TAOK1: variants seen among roughly 807,000 people sequenced by gnomAD.
TAOK1 encodes serine/threonine-protein kinase TAO1.
In TAOK1, 21 loss-of-function variants were observed where a neutral mutation model predicts 138.3. That is an observed-to-expected ratio of 0.15 (90% confidence interval 0.11 to 0.22). The LOEUF (loss-of-function observed/expected upper bound fraction) is 0.22. TAOK1 is among the 10% of genes least tolerant of loss of function. The pLI, the probability that TAOK1 is intolerant of heterozygous loss-of-function variation, is 1.00. For missense variants in TAOK1, 651 were observed against 1,227.7 expected, an observed-to-expected ratio of 0.53 and a Z score of 7.02; for synonymous variants, 361 against 398.4, an observed-to-expected ratio of 0.91 and a Z score of 1.12.
chr17:29,397,603 C>CCCA (rs1395990086), intron 1 of TAOK1, among the ~76,000 whole-genome samples: 1 of 54,284 alleles, frequency 1.8e-5, no homozygotes, highest in Non-Finnish European at 2.9e-5. Context: ...ATTCCGTCCC[C>CCCA]CCCCAAAAAA....
rs549183704 is a variant in TAOK1 at position 29,474,348 on chromosome 17, GCT to G, written c.205-1321_205-1320del. Among the ~76,000 whole-genome samples the G allele has an allele frequency of 6.7e-3, 1,025 of 152,070 alleles. 5 individuals carry two copies. The highest frequency in any genetic ancestry group is 0.011 in the Non-Finnish European group (718 of 67,982). On this transcript the variant is annotated intron_variant, in intron 3 of 19. Transcript: ENST00000261716. ...ACTTTTTCTTTGCATTTACAACTTG[GCT>G]ATTTGGTGCAAAAGGCCTAGCTTCA...
intron 1 of TAOK1, among the ~76,000 whole-genome samples, chr17:29,411,249 G>A (rs570034150): frequency 2.6e-4 from 39 of 150,828 alleles, no homozygotes; most frequent in South Asian, 1.3e-3. Context: ...CCGCCACTAC[G>A]CCCGGCTAAT....
intron 8 of TAOK1, among the ~76,000 whole-genome samples, chr17:29,483,167 T>C (rs1360031156): frequency 6.6e-6 from 1 of 152,156 alleles, no homozygotes; most frequent in Non-Finnish European, 1.5e-5. Flanking sequence ...AACCTCTGCT[T>C]CCTGGGATCA....
chr17:29,526,481 T>A (rs919460370), intron 17 of TAOK1, among the ~76,000 whole-genome samples: 1 of 152,092 alleles, frequency 6.6e-6, no homozygotes, highest in East Asian at 1.9e-4. Flanking sequence ...AGTGGCGCAA[T>A]CTCGGCTCAC....
chr17:29,425,729 G>T (rs147956955), intron 1 of TAOK1, among the ~76,000 whole-genome samples: 11 of 152,194 alleles, frequency 7.2e-5, no homozygotes, highest in African/African-American at 2.4e-4. Flanking sequence ...GATATTGAAA[G>T]ATGATAAATT....
intron 6 of TAOK1, among the ~76,000 whole-genome samples, chr17:29,479,155 A>C (rs1249571745): frequency 6.6e-6 from 1 of 152,080 alleles, no homozygotes; most frequent in Non-Finnish European, 1.5e-5. Flanking sequence ...CAAAAAAAAA[A>C]AAAAACAGAA....
At chr17:29,455,252 A>G (rs1188492750) in intron 2 of TAOK1, among the ~76,000 whole-genome samples, 2 of 150,312 alleles carry the variant, frequency 1.3e-5, no homozygotes, top group Admixed American at 1.3e-4. Context: ...GTGTAAGTGG[A>G]ATTACTTTCT....
intron 2 of TAOK1, among the ~76,000 whole-genome samples, chr17:29,460,085 T>A (rs1164737918): frequency 6.6e-6 from 1 of 152,232 alleles, no homozygotes; most frequent in East Asian, 1.9e-4. Context: ...TTTCTTGCCC[T>A]TTTCCTTTTA....
chr17:29,489,807 T>A, intron 9 of TAOK1, 50 bp downstream of exon 9: 1 of 1,310,292 alleles, frequency 7.6e-7, no homozygotes. Context: ...AATGAAATGC[T>A]TTTTCATAAT....
intron 10 of TAOK1, among the ~76,000 whole-genome samples, chr17:29,494,865 C>T (rs889009172): frequency 3.4e-5 from 5 of 148,740 alleles, no homozygotes; most frequent in Non-Finnish European, 3.0e-5. Flanking sequence ...AAGGATATTT[C>T]GTAGAACTCA....
chr17:29,394,218 T>G (rs1434837666), intron 1 of TAOK1, among the ~76,000 whole-genome samples: 1 of 126,630 alleles, frequency 7.9e-6, no homozygotes, highest in Non-Finnish European at 1.6e-5. Context: ...CAGGCTGGAG[T>G]GCAGTGGCAC....
rs562564191 is a variant in TAOK1 at position 29,533,053 on chromosome 17, C to T, written c.2362-1065C>T. 1.2e-3 allele frequency among the ~76,000 whole-genome samples: 162 copies of T among 132,130 alleles called. 2 individuals are homozygous for T. Among genetic ancestry groups the T allele is most frequent in the African/African-American group, 4.1e-3 (151 of 36,524 alleles). The allele number at this position is 132,130 out of a possible 152,430, so 86.7% of individuals were successfully genotyped here. On this transcript the variant is annotated intron_variant, in intron 18 of 19. Transcript: ENST00000261716. ...CCTCCCTCCCGGATGGGGTGGCTGC[C>T]GGGCGGAGATGCTCCTCACTTCCCA... is the stretch of plus-strand genomic sequence containing the variant.
chr17:29,531,016 C>T (rs949908548), intron 18 of TAOK1, among the ~76,000 whole-genome samples: 7 of 134,682 alleles, frequency 5.2e-5, no homozygotes, highest in Non-Finnish European at 1.1e-4. Context: ...GGCTGGAGTC[C>T]AGTGGCGCGA....
chr17:29,532,968 C>T (rs1172189872), intron 18 of TAOK1, among the ~76,000 whole-genome samples: 6 of 104,028 alleles, frequency 5.8e-5, no homozygotes, highest in East Asian at 6.3e-4. Flanking sequence ...CCGGACGGGG[C>T]GGGTGGCCGG....
Position 29,498,533 on chromosome 17 carries a change from G to T in TAOK1, c.1203+12G>T, listed in dbSNP as rs1358655568. On this transcript the variant is annotated intron_variant, in intron 12 of 19. Transcript: ENST00000261716. ...TCCATTTAAAACCAGTGAGTATTTG[G>T]ATTTCAATGAAAGAAATTCAATGTT... 7 of 1,611,504 alleles carry T rather than the reference G, an allele frequency of 4.3e-6. No individual in the cohort carries two copies. The highest frequency in any genetic ancestry group is 1.3e-5 in the African/African-American group (1 of 75,008).
chr17:29,440,108 G>C (rs564854852), intron 1 of TAOK1, among the ~76,000 whole-genome samples: 2 of 152,198 alleles, frequency 1.3e-5, no homozygotes, highest in East Asian at 3.9e-4. Flanking sequence ...AAAAATTCCT[G>C]CTTCACCCTG....
In TAOK1 at chr17:29,550,006, C is replaced by A. The variant is rs2032463867; in HGVS notation, c.*6984C>A. ...GAAAACATTTCAAAAAAAAAAAGTC[C>A]TCTTAAGGCCAGTAATTTATCTGAA... is the stretch of plus-strand genomic sequence containing the variant. On this transcript the variant is annotated 3_prime_UTR_variant, in exon 20 of 20. Transcript: ENST00000261716. 1 of 152,036 alleles carries A rather than the reference C, an allele frequency of 6.6e-6. No homozygotes were observed. The highest frequency in any genetic ancestry group is 1.5e-5 in the Non-Finnish European group (1 of 67,996). 9.4% of individuals were successfully genotyped at this position (152,036 alleles called of 1,614,324 possible).
chr17:29,409,507 G>T (rs1905090901), intron 1 of TAOK1, among the ~76,000 whole-genome samples: 1 of 151,206 alleles, frequency 6.6e-6, no homozygotes, highest in Non-Finnish European at 1.5e-5. Flanking sequence ...CTAATTTTTT[G>T]TATTTTTAGT....
intron 2 of TAOK1, among the ~76,000 whole-genome samples, chr17:29,460,222 C>T (rs150837867): frequency 5.9e-5 from 9 of 152,302 alleles, no homozygotes; most frequent in African/African-American, 2.2e-4. Flanking sequence ...GACGGAGTCT[C>T]GCTCTGTCAC....
Sources: gnomAD v4.1 joint callset for allele counts (sites outside exome capture counted in the v4.1 genomes callset) on GRCh38, gnomAD v4.1.1 for gene constraint, MANE v1.5 for transcripts, NCBI Gene and HGNC (gene_info 2026-07-23, HGNC 2026-07-21) for gene names.